Variants in DNAAF9 observed in about 807,000 individuals in gnomAD.
DNAAF9 encodes the protein shulin.
Under a neutral mutation model 167.0 loss-of-function variants are expected in DNAAF9, and 90 were observed. The ratio of observed to expected loss-of-function variants is 0.54; its 90% CI spans 0.45 to 0.64. The LOEUF is 0.64. Among genes scored for constraint, DNAAF9 ranks in the 30% least tolerant of loss-of-function variants. The pLI is 0.00. For synonymous variants in DNAAF9, 491 were observed against 508.8 expected (o/e 0.96, Z 0.47); for missense variants, 1,315 against 1,442.2 (o/e 0.91, Z 1.43).
intron 14 of DNAAF9, among the ~76,000 whole-genome samples, chr20:3,323,469 G>A (rs2069655924): frequency 6.6e-6 from 1 of 151,738 alleles, no homozygotes; most frequent in African/African-American, 2.4e-5. Flanking sequence ...TTTAATGAAG[G>A]CGGGGTTTTG....
rs772379492 is a variant in DNAAF9, at chr20:3,316,735, G to A, written c.1527C>T (p.Phe509=). 1 of 1,613,250 alleles carries A rather than the reference G, an allele frequency of 6.2e-7. No individual in the cohort carries two copies. The highest frequency in any genetic ancestry group is 8.5e-7 in the Non-Finnish European group (1 of 1,179,316). The stretch of plus-strand genomic sequence containing the variant: ...GAATGACACTAACCAGCCAGGAGCA[G>A]AATCTGGGTACAGCAGCAGTCAGGA... ...SVVLTAAVPR[F]CSWLVEDNEV... is the part of the protein sequence containing the mutation. The change falls in exon 18 of 37, where the codon TTC becomes TTT. Residue 509 remains phenylalanine, a synonymous_variant. Coordinates refer to ENST00000252032, the MANE Select transcript of DNAAF9 (RefSeq NM_001009984.3).
In DNAAF9 at chr20:3,255,976, T is replaced by C. The variant is rs771178866; in HGVS notation, c.3261+30A>G. ...GCTCTGAGGTGTCTGGTCACATCTG[T>C]GTCAGGTCTGTCTGGGCTCTGGAAA... On this transcript the variant is annotated intron_variant, in intron 34 of 36. Transcript: ENST00000252032. 3.9e-6 allele frequency: 6 copies of C among 1,558,386 alleles called. No homozygotes were observed. In the East Asian group the frequency reaches 1.3e-4, roughly 35 times the overall value.
intron 23 of DNAAF9, chr20:3,295,999 G>A: frequency 1.4e-6 from 2 of 1,457,164 alleles, no homozygotes; most frequent in Non-Finnish European, 1.9e-6. Flanking sequence ...GCACCATGTT[G>A]TACACATCGG....
At chr20:3,391,554 G>A (rs1184213611) in intron 1 of DNAAF9, among the ~76,000 whole-genome samples, 1 of 147,180 alleles carries the variant, frequency 6.8e-6, no homozygotes, top group Non-Finnish European at 1.5e-5. Flanking sequence ...AGTTTGTTGT[G>A]TATCCAGCCA....
At chr20:3,270,381 G>A in intron 30 of DNAAF9, 46 bp downstream of exon 30, 2 of 1,559,914 alleles carry the variant, frequency 1.3e-6, no homozygotes, top group South Asian at 2.2e-5. Flanking sequence ...ACAGAGTGCT[G>A]TATCTGAGAA....
intron 2 of DNAAF9, 26 bp from the exon 3 acceptor site, chr20:3,381,524 A>G: frequency 6.2e-7 from 1 of 1,609,348 alleles, no homozygotes; most frequent in Non-Finnish European, 8.5e-7. Context: ...GGCTCTGATC[A>G]GCTGTACCAT....
intron 20 of DNAAF9, among the ~76,000 whole-genome samples, chr20:3,305,991 C>G (rs2069285317): frequency 6.6e-6 from 1 of 152,168 alleles, no homozygotes; most frequent in Non-Finnish European, 1.5e-5. Context: ...CCATGCTGCT[C>G]CCAGGCCAGT....
At chr20:3,275,810 C>G (rs549518048) in intron 29 of DNAAF9, among the ~76,000 whole-genome samples, 59 of 152,306 alleles carry the variant, frequency 3.9e-4, no homozygotes, top group African/African-American at 1.3e-3. Flanking sequence ...GAGCAGACAG[C>G]CTGGCGTATC....
At position 3,407,659 on chromosome 20, in the gene DNAAF9, G is replaced by T; in HGVS notation, c.-102C>A. 1 of 1,105,510 alleles carries T rather than the reference G, an allele frequency of 9.0e-7. No homozygotes were observed. The highest frequency in any genetic ancestry group is 4.3e-5 in the South Asian group (1 of 23,120). The allele number at this position is 1,105,510 out of a possible 1,614,324, so 68.5% of individuals were successfully genotyped here. A position where few individuals can be genotyped will look rare whatever the true frequency, so the allele number is the denominator to read the frequency against. On this transcript the variant is annotated 5_prime_UTR_variant, in exon 1 of 37. Transcript: ENST00000252032. ...AGCTGCGGCCGGGCGGGGCGGCAGG[G>T]CGTGCCGGGTGGGAGGGGGCGCGGC...
At chr20:3,395,080 G>A (rs1172319556) in intron 1 of DNAAF9, among the ~76,000 whole-genome samples, 1 of 142,724 alleles carries the variant, frequency 7.0e-6, no homozygotes, top group Non-Finnish European at 1.5e-5. Context: ...CCATTCTCCT[G>A]CCTCAGCCTC....
In DNAAF9 at chr20:3,407,650, G is replaced by C. The variant is rs1267189991; in HGVS notation, c.-93C>G. The C allele has an allele frequency of 3.5e-6, 4 of 1,130,438 alleles. No homozygotes were observed. In the African/African-American group the frequency reaches 6.6e-5, roughly 19 times the overall value. 70.0% of individuals were successfully genotyped at this position (1,130,438 alleles called of 1,614,324 possible). On this transcript the variant is annotated 5_prime_UTR_variant, in exon 1 of 37. Transcript: ENST00000252032. ...CTCCACGCTAGCTGCGGCCGGGCGG[G>C]GCGGCAGGGCGTGCCGGGTGGGAGG...
chr20:3,258,578 C>A (rs539175389), intron 33 of DNAAF9, among the ~76,000 whole-genome samples: 3 of 152,140 alleles, frequency 2.0e-5, no homozygotes, highest in African/African-American at 7.2e-5. Flanking sequence ...GCCAGCCTCT[C>A]CTCATTGGCT....
intron 27 of DNAAF9, among the ~76,000 whole-genome samples, chr20:3,286,453 C>T (rs1475010864): frequency 6.6e-6 from 1 of 152,236 alleles, no homozygotes; most frequent in Non-Finnish European, 1.5e-5. Context: ...TCCAGGTCCA[C>T]ACCCTCGGTG....
chr20:3,317,379 A>AAC (rs2069523402), intron 17 of DNAAF9, among the ~76,000 whole-genome samples: 1 of 147,936 alleles, frequency 6.8e-6, no homozygotes, highest in Admixed American at 6.7e-5. Context: ...AAAAAAAAAA[A>AAC]AACCCCAAAA....
intron 20 of DNAAF9, among the ~76,000 whole-genome samples, chr20:3,311,604 T>C (rs988291488): frequency 2.0e-5 from 3 of 152,120 alleles, no homozygotes; most frequent in Non-Finnish European, 2.9e-5. Context: ...TGCATGTTCA[T>C]ACAAAGGAAT....
chr20:3,338,852 C>CAA (rs2070021848), intron 10 of DNAAF9, among the ~76,000 whole-genome samples: 1 of 151,944 alleles, frequency 6.6e-6, no homozygotes, highest in Non-Finnish European at 1.5e-5. Context: ...TGGGGTTTCA[C>CAA]TATATTGGCC....
At chr20:3,377,726 AG>A (rs1163364752) in intron 3 of DNAAF9, among the ~76,000 whole-genome samples, 1 of 151,890 alleles carries the variant, frequency 6.6e-6, no homozygotes, top group African/African-American at 2.4e-5. Flanking sequence ...TTGAAGTGCT[AG>A]GATTATAGGT....
intron 31 of DNAAF9, among the ~76,000 whole-genome samples, chr20:3,261,696 A>AT (rs1001599166): frequency 1.3e-5 from 2 of 151,502 alleles, no homozygotes; most frequent in African/African-American, 4.9e-5. Flanking sequence ...CAGCACTGCA[A>AT]TTTTAATTTT....
At chr20:3,298,982 C>T (rs1400059186) in intron 21 of DNAAF9, among the ~76,000 whole-genome samples, 2 of 147,416 alleles carry the variant, frequency 1.4e-5, no homozygotes, top group East Asian at 2.0e-4. Context: ...GATCTCCGCT[C>T]GCTGCAACCC....
Sources: allele counts gnomAD v4.1 joint callset (sites outside exome capture counted in the v4.1 genomes callset), GRCh38; gene constraint gnomAD v4.1.1; transcripts MANE v1.5; gene names NCBI Gene and HGNC (gene_info 2026-07-23, HGNC 2026-07-21).